CYBRD1: variants seen among roughly 807,000 people sequenced by gnomAD.
The protein encoded by CYBRD1 is plasma membrane ascorbate-dependent reductase CYBRD1.
A neutral mutation model predicts 21.9 loss-of-function variants in CYBRD1; 14 were observed. That is an observed-to-expected ratio of 0.64 (90% CI 0.42 to 1.00). The LOEUF (loss-of-function observed/expected upper bound fraction) is 1.00, where lower values mean the gene tolerates loss of function less well. CYBRD1 is among the 50% of genes least tolerant of loss of function. CYBRD1 has a pLI of 0.00. For missense variants in CYBRD1, 328 were observed against 352.5 expected (o/e 0.93, Z 0.56); for synonymous variants, 146 against 136.5 (o/e 1.07, Z -0.48).
At position 171,545,365 on chromosome 2, in the gene CYBRD1, A is replaced by G. The variant is rs188159055; in HGVS notation, c.402+3572A>G. Among the ~76,000 whole-genome samples the G allele has an allele frequency of 4.0e-3, 593 of 146,634 alleles. 3 individuals are homozygous for G. The highest frequency in any genetic ancestry group is 0.014 in the African/African-American group (533 of 39,422). The stretch of plus-strand genomic sequence containing the variant: ...TTGAATGCTTTTGCTATCTCTGCTG[A>G]GATGAATATACCTTTTTTGTTTTTT... On this transcript the variant is annotated intron_variant, in intron 2 of 3. Transcript: ENST00000321348.
chr2:171,536,773 T>G (rs923379571), intron 1 of CYBRD1, among the ~76,000 whole-genome samples: 2 of 152,206 alleles, frequency 1.3e-5, no homozygotes, highest in Non-Finnish European at 2.9e-5. Context: ...GTTTTTATTT[T>G]GGGAATTTTT....
chr2:171,541,301 C>T (rs1697627328), intron 1 of CYBRD1, among the ~76,000 whole-genome samples: 1 of 152,028 alleles, frequency 6.6e-6, no homozygotes, highest in African/African-American at 2.4e-5. Flanking sequence ...AATGAGATCA[C>T]CCACAAGAGG....
At chr2:171,530,185 C>T (rs529114819) in intron 1 of CYBRD1, among the ~76,000 whole-genome samples, 1 of 152,272 alleles carries the variant, frequency 6.6e-6, no homozygotes, top group East Asian at 1.9e-4. Flanking sequence ...GACCATCCTG[C>T]TATTATAACA....
At chr2:171,526,989 A>G (rs964593689) in intron 1 of CYBRD1, among the ~76,000 whole-genome samples, 3 of 152,212 alleles carry the variant, frequency 2.0e-5, no homozygotes, top group African/African-American at 7.2e-5. Flanking sequence ...CAGTTCTTAA[A>G]AAACAGTTGG....
At chr2:171,544,357 C>T (rs995233120) in intron 2 of CYBRD1, among the ~76,000 whole-genome samples, 23 of 152,154 alleles carry the variant, frequency 1.5e-4, no homozygotes, top group African/African-American at 5.3e-4. Context: ...TTTAATGTAA[C>T]CAAATTAATC....
intron 2 of CYBRD1, among the ~76,000 whole-genome samples, chr2:171,549,680 T>G (rs1292842636): frequency 6.6e-6 from 1 of 152,268 alleles, no homozygotes; most frequent in African/African-American, 2.4e-5. Context: ...AATGTAGATA[T>G]AGATATTTAA....
In CYBRD1 at chr2:171,522,508, G is replaced by T; in HGVS notation, c.-38G>T. 2 of 1,565,146 alleles carry T rather than the reference G, an allele frequency of 1.3e-6. No individual in the cohort carries two copies. Among genetic ancestry groups the T allele is most frequent in the Non-Finnish European group, 8.7e-7 (1 of 1,155,958 alleles). ...CAGAGGGCTGCCGCCGCCTCTCCAA[G>T]TTCTTGTGGCCCCCGCGGTGCGGAG... is the stretch of plus-strand genomic sequence containing the variant. On this transcript the variant is annotated 5_prime_UTR_variant, in exon 1 of 4. Transcript: ENST00000321348. The surrounding 1 kb of genome is among the most constrained non-coding windows in gnomAD (Gnocchi z 4.3).
At chr2:171,531,525 G>T (rs1429672574) in intron 1 of CYBRD1, among the ~76,000 whole-genome samples, 1 of 152,064 alleles carries the variant, frequency 6.6e-6, no homozygotes, top group Admixed American at 6.6e-5. Context: ...ATGACTCACT[G>T]CAGCCTCGAC....
At chr2:171,535,257 T>A (rs1274000994) in intron 1 of CYBRD1, among the ~76,000 whole-genome samples, 1 of 152,154 alleles carries the variant, frequency 6.6e-6, no homozygotes, top group Non-Finnish European at 1.5e-5. Context: ...GGTGAGCACC[T>A]CTCCTGCTTC....
At position 171,554,522 on chromosome 2, in the gene CYBRD1, A is replaced by G; in HGVS notation, c.558-2A>G. 6.2e-7 allele frequency: 1 copy of G among 1,613,794 alleles called. No homozygotes were observed. The highest frequency in any genetic ancestry group is 8.5e-7 in the Non-Finnish European group (1 of 1,179,792). On this transcript the variant is annotated splice_acceptor_variant, in intron 3 of 3. Transcript: ENST00000321348. LOFTEE classifies it high-confidence loss of function. Reference sequence around the variant, plus strand: ...TAATTGGATACATCTCTTATTTCATAGGAGAGATCCTGCATACAGTACATT... The same window carrying G: ...TAATTGGATACATCTCTTATTTCATGGGAGAGATCCTGCATACAGTACATT...
intron 1 of CYBRD1, among the ~76,000 whole-genome samples, chr2:171,535,281 G>A (rs1056207021): frequency 3.9e-5 from 6 of 152,080 alleles, no homozygotes; most frequent in Admixed American, 6.5e-5. Context: ...AACCCCTAAG[G>A]GCTTCCCTTT....
At chr2:171,552,242 G>A (rs553331301) in intron 2 of CYBRD1, among the ~76,000 whole-genome samples, 13 of 152,276 alleles carry the variant, frequency 8.5e-5, no homozygotes, top group African/African-American at 3.1e-4. Context: ...ATACATGACT[G>A]TTGAATCCTA....
Position 171,541,807 on chromosome 2 carries a change from T to C in CYBRD1, c.402+14T>C. On this transcript the variant is annotated intron_variant, in intron 2 of 3. Transcript: ENST00000321348. Reference sequence around the variant, plus strand: ...TATTTGTTACAGGTCAGTATTTCAGTGTATTTACAAGCAAGTTATAAAAAC... The same window carrying C: ...TATTTGTTACAGGTCAGTATTTCAGCGTATTTACAAGCAAGTTATAAAAAC... 5.0e-6 allele frequency: 8 copies of C among 1,594,744 alleles called. No homozygotes were observed. Among genetic ancestry groups the C allele is most frequent in the Non-Finnish European group, 6.9e-6 (8 of 1,163,594 alleles).
intron 1 of CYBRD1, among the ~76,000 whole-genome samples, chr2:171,526,412 TTCCTTTCCCCCTCTCTCTCCCC>T (rs1461160049): frequency 4.0e-5 from 6 of 151,676 alleles, no homozygotes; most frequent in Admixed American, 6.6e-5. Context: ...TCCCTCTCCC[TTCCTTTCCCCCTCTCTCTCCCC>T]TCCTTTCCCC....
chr2:171,552,643 G>A (rs1683399075), intron 2 of CYBRD1, among the ~76,000 whole-genome samples: 1 of 152,222 alleles, frequency 6.6e-6, no homozygotes, highest in Non-Finnish European at 1.5e-5. Context: ...ATGGGCAAAC[G>A]TGTGGGGTGA....
intron 1 of CYBRD1, among the ~76,000 whole-genome samples, chr2:171,528,968 A>G (rs1697424201): frequency 6.6e-6 from 1 of 152,228 alleles, no homozygotes; most frequent in Non-Finnish European, 1.5e-5. Flanking sequence ...CTGATCACTG[A>G]CTATTAATTT....
Position 171,536,378 on chromosome 2 carries a change from C to T in CYBRD1, c.194-5207C>T, listed in dbSNP as rs187395783. 4.0e-4 allele frequency among the ~76,000 whole-genome samples: 61 copies of T among 151,256 alleles called. No homozygotes were observed. In the East Asian group the frequency reaches 0.011, roughly 28 times the overall value. On this transcript the variant is annotated intron_variant, in intron 1 of 3. Coordinates refer to ENST00000321348, the MANE Select transcript of CYBRD1 (RefSeq NM_024843.4). ...GGAGTGCAGTGGTATTATCTCTGCT[C>T]GCTGCAACCTCCGCCTCCCGGGTTC...
At chr2:171,544,280 C>T (rs13414895) in intron 2 of CYBRD1, among the ~76,000 whole-genome samples, 13,377 of 152,088 alleles carry the variant, frequency 0.088, 716 homozygotes, top group Middle Eastern at 0.17. Flanking sequence ...ATTGCTATAT[C>T]TTCTCCTAGT....
Position 171,551,869 on chromosome 2 carries a change from A to G in CYBRD1, c.403-1477A>G, listed in dbSNP as rs116261302. On this transcript the variant is annotated intron_variant, in intron 2 of 3. Coordinates refer to ENST00000321348, the MANE Select transcript of CYBRD1 (RefSeq NM_024843.4). Reference sequence around the variant, plus strand: ...GCAAACTTGATAAACTTATGTTAGTAATTAATCTCAAGATTCTTTTGGATT... The same window carrying G: ...GCAAACTTGATAAACTTATGTTAGTGATTAATCTCAAGATTCTTTTGGATT... Among the ~76,000 whole-genome samples, 198 of 152,342 alleles carry G rather than the reference A, an allele frequency of 1.3e-3. 4 individuals are homozygous for G. The East Asian group carries it at 0.014, about 11-fold the overall frequency.
Sources: gnomAD v4.1 joint callset for allele counts (sites outside exome capture counted in the v4.1 genomes callset) on GRCh38, gnomAD v4.1.1 for gene constraint, Gnocchi (gnomAD v3.1) non-coding constraint, MANE v1.5 for transcripts, NCBI Gene and HGNC (gene_info 2026-07-23, HGNC 2026-07-21) for gene names.